IFT80: variants seen among roughly 807,000 people sequenced by gnomAD.
The protein encoded by IFT80 is intraflagellar transport protein 80 homolog.
In IFT80, 79 loss-of-function variants were observed where a neutral mutation model predicts 107.9. That is an observed-to-expected ratio of 0.73 (90% CI 0.61 to 0.88). The LOEUF (loss-of-function observed/expected upper bound fraction) is 0.88, where lower values mean the gene tolerates loss of function less well. Among genes scored for constraint, IFT80 ranks in the 40% least tolerant of loss-of-function variants. The pLI is 0.00. For missense variants in IFT80, 797 were observed against 914.2 expected (o/e 0.87, Z 1.65); for synonymous variants, 299 against 300.9 (o/e 0.99, Z 0.07).
intron 5 of IFT80, among the ~76,000 whole-genome samples, chr3:160,370,124 AT>A (rs1413096797): frequency 2.0e-5 from 3 of 152,154 alleles, no homozygotes; most frequent in Admixed American, 6.5e-5. Flanking sequence ...CATTCATACT[AT>A]AAAAGTATCC....
intron 19 of IFT80, among the ~76,000 whole-genome samples, chr3:160,266,848 A>AAAGATCAGATACT (rs1348700307): frequency 1.3e-5 from 2 of 152,144 alleles, no homozygotes; most frequent in African/African-American, 4.8e-5. Flanking sequence ...ACTGTGACAC[A>AAAGATCAGATACT]AAGATCAGAT....
intron 8 of IFT80, 98 bp downstream of exon 8, chr3:160,355,915 A>G: frequency 7.6e-7 from 1 of 1,317,226 alleles, no homozygotes; most frequent in South Asian, 1.2e-5. Flanking sequence ...AACCAGATGC[A>G]TCCATTGAAA....
At chr3:160,375,015 A>T (rs1711891816) in intron 5 of IFT80, among the ~76,000 whole-genome samples, 1 of 152,192 alleles carries the variant, frequency 6.6e-6, no homozygotes, top group African/African-American at 2.4e-5. Flanking sequence ...TTATCCTAAA[A>T]GTAAACATGG....
intron 8 of IFT80, among the ~76,000 whole-genome samples, chr3:160,342,172 G>A (rs1480182298): frequency 6.6e-6 from 1 of 152,180 alleles, no homozygotes; most frequent in Non-Finnish European, 1.5e-5. Context: ...TGAAAAGAGA[G>A]AGTTAATCAT....
Position 160,285,851 on chromosome 3 carries a change from C to A in IFT80, c.1333G>T (p.Ala445Ser). ...TCACCTAACGGCTTTCCGGTTGATG[C>A]CTCAAAGAGGAAGATTACTTGAAAA... ...ADEKIIFLFE[A>S]STGKPLGDGK... The change falls in exon 13 of 20, where the codon GCA becomes TCA. Residue 445 changes from alanine (A) to serine (S), a missense_variant. Transcript: ENST00000326448. The A allele has an allele frequency of 6.2e-7, 1 of 1,610,022 alleles. No individual in the cohort carries two copies. Among genetic ancestry groups the A allele is most frequent in the South Asian group, 1.1e-5 (1 of 90,738 alleles).
At chr3:160,330,949 T>C (rs1245512521) in intron 8 of IFT80, among the ~76,000 whole-genome samples, 1 of 152,190 alleles carries the variant, frequency 6.6e-6, no homozygotes, top group Non-Finnish European at 1.5e-5. Flanking sequence ...AAGCCACAGA[T>C]AGTACTGTAC....
chr3:160,302,978 G>A (rs1042825016), intron 11 of IFT80, among the ~76,000 whole-genome samples: 6 of 152,048 alleles, frequency 3.9e-5, no homozygotes, highest in African/African-American at 1.4e-4. Context: ...TTTTCTCCAT[G>A]TTCCCTTGCC....
intron 8 of IFT80, among the ~76,000 whole-genome samples, chr3:160,344,180 G>C (rs1253396112): frequency 6.6e-6 from 1 of 151,990 alleles, no homozygotes; most frequent in Non-Finnish European, 1.5e-5. Context: ...GCATTTCTGG[G>C]GGTATGTACC....
chr3:160,385,315 T>C (rs1712840029), intron 1 of IFT80, among the ~76,000 whole-genome samples: 2 of 152,206 alleles, frequency 1.3e-5, no homozygotes, highest in African/African-American at 2.4e-5. Flanking sequence ...GCTATGAATA[T>C]AGTTGTTGTA....
intron 5 of IFT80, among the ~76,000 whole-genome samples, chr3:160,368,680 T>C (rs543323197): frequency 2.0e-4 from 31 of 152,042 alleles, no homozygotes; most frequent in Middle Eastern, 3.4e-3. Context: ...TCAAATGTAG[T>C]TCTTGGTGAG....
At chr3:160,265,213 C>T (rs1271303145) in intron 19 of IFT80, among the ~76,000 whole-genome samples, 1 of 152,148 alleles carries the variant, frequency 6.6e-6, no homozygotes, top group South Asian at 2.1e-4. Context: ...TCAATAAATA[C>T]TGAATGAATA....
At chr3:160,313,657 T>A (rs112036095) in intron 9 of IFT80, among the ~76,000 whole-genome samples, 8 of 150,994 alleles carry the variant, frequency 5.3e-5, no homozygotes, top group South Asian at 2.1e-4. Flanking sequence ...TCACCCAGGC[T>A]GGAGTGCAGT....
intron 8 of IFT80, among the ~76,000 whole-genome samples, chr3:160,350,746 T>C (rs565462566): frequency 1.1e-3 from 170 of 149,502 alleles, no homozygotes; most frequent in African/African-American, 3.9e-3. Context: ...ATCCAGGAGG[T>C]GGAAATTGCA....
chr3:160,279,351 T>G lies in IFT80; in HGVS notation c.1678A>C (p.Asn560His). Reference protein sequence around the residue: ...YERDASEFSKNPHIVSFVGNQ... With the variant: ...YERDASEFSKHPHIVSFVGNQ... ...CCAACAAAACTCACAATATGGGGAT[T>G]TTTACTAAATTCACTGTTGAAAAAA... Residue 560 changes from asparagine (N) to histidine (H), a missense_variant, in exon 16 of 20, where the codon AAT becomes CAT. Physicochemically the swap from Asn to His is moderately conservative, Grantham distance 68. Transcript: ENST00000326448. 6.2e-7 allele frequency: 1 copy of G among 1,613,198 alleles called. No individual in the cohort carries two copies. The highest frequency in any genetic ancestry group is 8.5e-7 in the Non-Finnish European group (1 of 1,179,344).
At chr3:160,351,718 A>T (rs1201950175) in intron 8 of IFT80, among the ~76,000 whole-genome samples, 1 of 141,326 alleles carries the variant, frequency 7.1e-6, no homozygotes, top group East Asian at 2.0e-4. Flanking sequence ...ATTAAGTAAC[A>T]TAAAAATCTA....
intron 12 of IFT80, among the ~76,000 whole-genome samples, chr3:160,287,900 A>G (rs1431187616): frequency 6.6e-6 from 1 of 152,218 alleles, no homozygotes; most frequent in Non-Finnish European, 1.5e-5. Context: ...AGGAACAGGC[A>G]CTAGCCTCAG....
chr3:160,337,789 G>A (rs1440170698), intron 8 of IFT80, among the ~76,000 whole-genome samples: 2 of 152,072 alleles, frequency 1.3e-5, no homozygotes, highest in African/African-American at 2.4e-5. Context: ...TTCTTTAGAT[G>A]GCCAAAGTGT....
chr3:160,373,879 C>T lies in IFT80; in HGVS notation c.439+1933G>A, dbSNP rs537075541. Among the ~76,000 whole-genome samples, 6 of 152,254 alleles carry T rather than the reference C, an allele frequency of 3.9e-5. No individual in the cohort carries two copies. In the South Asian group the frequency reaches 1.0e-3, roughly 26 times the overall value. On this transcript the variant is annotated intron_variant, in intron 5 of 19. Coordinates refer to ENST00000326448, the MANE Select transcript of IFT80 (RefSeq NM_020800.3). ...GTAAATACAGATAAAGCTTTACTCA[C>T]TCGCCCACCCACTGCTCATCTCCTG...
chr3:160,369,381 A>G (rs950417847), intron 5 of IFT80, among the ~76,000 whole-genome samples: 5 of 151,938 alleles, frequency 3.3e-5, no homozygotes, highest in East Asian at 1.9e-4. Context: ...TTCAAAATGG[A>G]TATCACATTA....
Sources: allele counts gnomAD v4.1 joint callset (sites outside exome capture counted in the v4.1 genomes callset), GRCh38; gene constraint gnomAD v4.1.1; transcripts MANE v1.5; gene names NCBI Gene and HGNC (gene_info 2026-07-23, HGNC 2026-07-21).